PDZD2: variants seen among roughly 807,000 people sequenced by gnomAD.
PDZD2 encodes PDZ domain-containing protein 2.
PDZD2 carries 90 observed loss-of-function variants against 220.7 expected under a neutral mutation model. The observed-to-expected ratio is 0.41, with a 90% CI of 0.34 to 0.49. The LOEUF (loss-of-function observed/expected upper bound fraction) is 0.49. Ranked by LOEUF, PDZD2 falls within the 20% of genes least tolerant of loss-of-function variation. PDZD2 has a pLI of 0.28. For synonymous variants in PDZD2, 1,375 were observed against 1,450.5 expected, an observed-to-expected ratio of 0.95 and a Z score of 1.18; for missense variants, 3,174 against 3,608.5, an observed-to-expected ratio of 0.88 and a Z score of 3.08.
At chr5:32,056,248 T>A (rs750826541) in intron 10 of PDZD2, among the ~76,000 whole-genome samples, 1 of 152,232 alleles carries the variant, frequency 6.6e-6, no homozygotes, top group Non-Finnish European at 1.5e-5. Flanking sequence ...CTTCTATAAT[T>A]GCATTAAGGG....
intron 2 of PDZD2, among the ~76,000 whole-genome samples, chr5:31,847,106 ACATTGGGGAAATATGTGACCCATC>A (rs1757625563): frequency 6.6e-6 from 1 of 152,208 alleles, no homozygotes; most frequent in African/African-American, 2.4e-5. Context: ...AAAGTAGTTG[ACATTGGGGAAATATGTGACCCATC>A]CATATGCTGT....
intron 2 of PDZD2, chr5:31,843,457 G>A (rs1757430145): frequency 1.3e-5 from 2 of 152,122 alleles, no homozygotes; most frequent in South Asian, 2.1e-4. Context: ...AGTAGAGATG[G>A]GGTTTCACCA....
At chr5:31,723,806 C>T (rs543011865) in intron 1 of PDZD2, among the ~76,000 whole-genome samples, 12 of 151,976 alleles carry the variant, frequency 7.9e-5, no homozygotes, top group South Asian at 2.1e-4. Flanking sequence ...TTAGTAGAGA[C>T]GGGGTTTCAC....
intron 1 of PDZD2, among the ~76,000 whole-genome samples, chr5:31,779,220 C>CTG (rs1401479494): frequency 6.6e-6 from 1 of 152,096 alleles, no homozygotes; most frequent in Non-Finnish European, 1.5e-5. Context: ...CCCTCCTTGC[C>CTG]TGTTGCATCA....
chr5:31,799,773 G>C (rs754576123), intron 2 of PDZD2, 49 bp downstream of exon 2: 6 of 1,242,280 alleles, frequency 4.8e-6, no homozygotes, highest in African/African-American at 3.0e-5. Flanking sequence ...ACGGGAACCT[G>C]GTGGTTCCCA....
chr5:31,710,714 G>T (rs900904254), intron 1 of PDZD2, among the ~76,000 whole-genome samples: 4 of 152,016 alleles, frequency 2.6e-5, no homozygotes, highest in Admixed American at 2.6e-4. Flanking sequence ...CTACTCAGAG[G>T]CTGAGGCAGG....
intron 2 of PDZD2, among the ~76,000 whole-genome samples, chr5:31,806,937 T>G (rs1754755140): frequency 1.3e-5 from 2 of 151,194 alleles, no homozygotes; most frequent in South Asian, 2.1e-4. Context: ...CTTTGTTTTT[T>G]TTTTTTTTTT....
Position 32,098,486 on chromosome 5 carries a change from T to A in PDZD2, c.8070T>A (p.Val2690=), listed in dbSNP as rs1292883738. ...TAGCCCACGGGAATGTCCTGAAGGTTCTGCACCAGGCACAGCTGCACAAAG... is the reference window on the plus strand; with the variant it reads ...TAGCCCACGGGAATGTCCTGAAGGTACTGCACCAGGCACAGCTGCACAAAG... The part of the protein sequence containing the change: ...AGLAHGNVLK[V]LHQAQLHKDA... The change falls in exon 23 of 25, where the codon GTT becomes GTA. Residue 2690 remains valine (V), a synonymous_variant. Transcript: ENST00000438447. This position sits in a 1 kb window ranked among gnomAD's most constrained non-coding sequence, Gnocchi z 4.1. 3 of 1,614,054 alleles carry A rather than the reference T, an allele frequency of 1.9e-6. No homozygotes were observed. Among genetic ancestry groups the A allele is most frequent in the Non-Finnish European group, 2.5e-6 (3 of 1,180,040 alleles).
intron 2 of PDZD2, among the ~76,000 whole-genome samples, chr5:31,825,793 T>G (rs908647402): frequency 1.3e-5 from 2 of 152,188 alleles, no homozygotes; most frequent in Non-Finnish European, 2.9e-5. Flanking sequence ...ACCAACAACA[T>G]GCTAACCACG....
chr5:32,090,759 C>T lies in PDZD2; in HGVS notation c.7311C>T (p.Gly2437=), dbSNP rs1252665406. Residue 2437 remains glycine, a synonymous_variant, in exon 20 of 25, where the codon GGC becomes GGT. Transcript: ENST00000438447. The surrounding 1 kb of genome is among the most constrained non-coding windows in gnomAD (Gnocchi z 4.3). ...ACCCACCAGAGACCAGTAGCAAGGG[C>T]TCTGATTCGGAACTAAAGAAATCAC... ...RQNPPETSSK[G]SDSELKKSLG... is the part of the protein sequence containing the mutation. 6.2e-7 allele frequency: 1 copy of T among 1,614,172 alleles called. No individual in the cohort carries two copies. The highest frequency in any genetic ancestry group is 1.1e-5 in the South Asian group (1 of 91,078).
At chr5:31,655,881 T>C (rs1291430973) in intron 1 of PDZD2, among the ~76,000 whole-genome samples, 1 of 152,244 alleles carries the variant, frequency 6.6e-6, no homozygotes, top group African/African-American at 2.4e-5. Flanking sequence ...GTTGTTGCAT[T>C]CTTAGAAAAT....
rs116439444 is a variant in PDZD2 at position 31,780,758 on chromosome 5, C to T, written c.-360-18131C>T. 7.7e-3 allele frequency among the ~76,000 whole-genome samples: 1,179 copies of T among 152,246 alleles called. 16 individuals carry two copies. The highest frequency in any genetic ancestry group is 0.027 in the African/African-American group (1,105 of 41,540). On this transcript the variant is annotated intron_variant, in intron 1 of 24. Coordinates refer to ENST00000438447, the MANE Select transcript of PDZD2 (RefSeq NM_178140.4). ...GCAGGAAGGATATTCAGTGGTTCCGCGGTGTCCTCAGGGTCCCAATCTCAT... is the reference window on the plus strand; with the variant it reads ...GCAGGAAGGATATTCAGTGGTTCCGTGGTGTCCTCAGGGTCCCAATCTCAT...
rs970121078 is a variant in PDZD2, at chr5:32,000,364, A to C, written c.1254+93A>C. On this transcript the variant is annotated intron_variant, in intron 5 of 24. Transcript: ENST00000438447. This position sits in a 1 kb window ranked among gnomAD's most constrained non-coding sequence, Gnocchi z 4.5. ...CCATGCCACACACACACACAAAGACATGTGTGCACTTGTACGTTTGCCTTG... is the reference window on the plus strand; with the variant it reads ...CCATGCCACACACACACACAAAGACCTGTGTGCACTTGTACGTTTGCCTTG... 1.5e-6 allele frequency: 2 copies of C among 1,345,808 alleles called. No individual in the cohort carries two copies. Among genetic ancestry groups the C allele is most frequent in the African/African-American group, 2.9e-5 (2 of 69,446 alleles). 83.4% of individuals were successfully genotyped at this position (1,345,808 alleles called of 1,614,324 possible).
chr5:31,991,504 A>C (rs1651249874), intron 3 of PDZD2, among the ~76,000 whole-genome samples: 2 of 152,158 alleles, frequency 1.3e-5, no homozygotes, highest in Non-Finnish European at 2.9e-5. Flanking sequence ...TGCTGTTTGC[A>C]TTGAGATGGG....
intron 1 of PDZD2, among the ~76,000 whole-genome samples, chr5:31,763,611 G>T (rs1751789008): frequency 6.6e-6 from 1 of 152,150 alleles, no homozygotes; most frequent in Admixed American, 6.6e-5. Context: ...GAGAGGTTGT[G>T]ACGTCATCAA....
chr5:31,681,594 A>G (rs1746653052), intron 1 of PDZD2, among the ~76,000 whole-genome samples: 1 of 151,766 alleles, frequency 6.6e-6, no homozygotes, highest in African/African-American at 2.4e-5. Flanking sequence ...AATATAATAT[A>G]TATAATATGT....
At chr5:31,914,350 T>C (rs949611139) in intron 2 of PDZD2, among the ~76,000 whole-genome samples, 3 of 152,052 alleles carry the variant, frequency 2.0e-5, no homozygotes, top group Non-Finnish European at 4.4e-5. Context: ...GCCAAGACAG[T>C]GAAACCCCGT....
Position 32,065,915 on chromosome 5 carries a change from A to C in PDZD2, c.2452-3654A>C, listed in dbSNP as rs192016522. On this transcript the variant is annotated intron_variant, in intron 14 of 24. Coordinates refer to ENST00000438447, the MANE Select transcript of PDZD2 (RefSeq NM_178140.4). The stretch of plus-strand genomic sequence containing the variant: ...GTGGCAGGCGCCTGTAATCCCAGCT[A>C]CTCGGGGCCGAGGCAGGAGAATCGC... Among the ~76,000 whole-genome samples, 42 of 152,182 alleles carry C rather than the reference A, an allele frequency of 2.8e-4. No individual in the cohort carries two copies. In the East Asian group the frequency reaches 7.5e-3, roughly 27 times the overall value.
At chr5:31,886,736 C>A (rs1033105379) in intron 2 of PDZD2, among the ~76,000 whole-genome samples, 1 of 149,844 alleles carries the variant, frequency 6.7e-6, no homozygotes, top group South Asian at 2.1e-4. Context: ...CTTGCTCTGT[C>A]GCTCAGGCTG....
Sources: gnomAD v4.1 joint callset for allele counts (sites outside exome capture counted in the v4.1 genomes callset) on GRCh38, gnomAD v4.1.1 for gene constraint, Gnocchi (gnomAD v3.1) non-coding constraint, MANE v1.5 for transcripts, NCBI Gene and HGNC (gene_info 2026-07-23, HGNC 2026-07-21) for gene names.